TCF20: variants seen among roughly 807,000 people sequenced by gnomAD.
TCF20 encodes the protein SPRE-binding protein.
TCF20 carries 3 observed loss-of-function variants against 148.6 expected under a neutral mutation model. That is an observed-to-expected ratio of 0.02 (90% CI 0.01 to 0.05). TCF20 has a LOEUF of 0.05. Ranked by LOEUF, TCF20 falls within the 10% of genes least tolerant of loss-of-function variation. TCF20 has a pLI of 1.00. For synonymous variants in TCF20, 1,049 were observed against 909.5 expected (o/e 1.15, Z -2.76); for missense variants, 2,350 against 2,429.3 (o/e 0.97, Z 0.69).
chr22:42,292,848 C>T lies in TCF20; in HGVS notation c.-37+50631G>A, dbSNP rs1192862834. On this transcript the variant is annotated intron_variant, in intron 1 of 1. Transcript: ENST00000515426. The surrounding 1 kb of genome is among the most constrained non-coding windows in gnomAD (Gnocchi z 4.9). Reference sequence around the variant, plus strand: ...CTGAATGACCGGGTCTCAGCTTGAGCGGCACAGACACATGGCTGGTGTGAC... The same window carrying T: ...CTGAATGACCGGGTCTCAGCTTGAGTGGCACAGACACATGGCTGGTGTGAC... Among the ~76,000 whole-genome samples the T allele has an allele frequency of 3.3e-5, 5 of 151,076 alleles. No individual in the cohort carries two copies. Among genetic ancestry groups the T allele is most frequent in the East Asian group, 1.9e-4 (1 of 5,144 alleles).
intron 1 of TCF20, among the ~76,000 whole-genome samples, chr22:42,242,514 T>C (rs548660540): frequency 3.3e-5 from 5 of 152,240 alleles, no homozygotes; most frequent in Admixed American, 6.5e-5. Context: ...GGGTATACTA[T>C]ATAGACGAAC....
At chr22:42,242,182 G>A (rs1340983981) in intron 1 of TCF20, among the ~76,000 whole-genome samples, 6 of 107,388 alleles carry the variant, frequency 5.6e-5, no homozygotes, top group South Asian at 2.8e-4. Context: ...CAGCCTGGGC[G>A]ACAGAGCGAG....
At chr22:42,236,127 G>C (rs567655689) in intron 1 of TCF20, among the ~76,000 whole-genome samples, 2 of 150,758 alleles carry the variant, frequency 1.3e-5, no homozygotes, top group South Asian at 4.2e-4. Flanking sequence ...AGTGAGCCGA[G>C]ATCTCACCAC....
intron 1 of TCF20, among the ~76,000 whole-genome samples, chr22:42,307,899 G>A (rs564669321): frequency 4.7e-4 from 72 of 152,282 alleles, no homozygotes; most frequent in African/African-American, 1.4e-3. Flanking sequence ...GGTATCCTTC[G>A]GAAGACGAAC....
intron 1 of TCF20, among the ~76,000 whole-genome samples, chr22:42,260,635 T>C: frequency 6.6e-6 from 1 of 152,114 alleles, no homozygotes; most frequent in East Asian, 1.9e-4. Context: ...CAGATGAACA[T>C]CACCATGCCT....
chr22:42,313,580 C>T (rs937782088), intron 1 of TCF20, among the ~76,000 whole-genome samples: 6 of 151,398 alleles, frequency 4.0e-5, no homozygotes, highest in African/African-American at 1.5e-4. Context: ...CTCACTGCAG[C>T]CTCAACAGAA....
chr22:42,302,122 C>G (rs1927347625), intron 1 of TCF20, among the ~76,000 whole-genome samples: 1 of 152,198 alleles, frequency 6.6e-6, no homozygotes, highest in Non-Finnish European at 1.5e-5. Context: ...AGGGGCCAGT[C>G]TGGGAGAGCT....
At chr22:42,203,632 T>C (rs1938190083) in intron 2 of TCF20, among the ~76,000 whole-genome samples, 1 of 152,108 alleles carries the variant, frequency 6.6e-6, no homozygotes, top group East Asian at 1.9e-4. Flanking sequence ...ACAGGTAAAT[T>C]AGATACAAGT....
chr22:42,171,670 C>G (rs116580753), intron 3 of TCF20, among the ~76,000 whole-genome samples: 1 of 152,174 alleles, frequency 6.6e-6, no homozygotes, highest in Non-Finnish European at 1.5e-5. Flanking sequence ...CCAAGACTCC[C>G]GCTGCTCCAA....
chr22:42,178,811 C>T (rs1163797158), intron 3 of TCF20, among the ~76,000 whole-genome samples: 1 of 151,120 alleles, frequency 6.6e-6, no homozygotes, highest in Non-Finnish European at 1.5e-5. Context: ...AACTCCTGAC[C>T]CCATGATCCA....
chr22:42,172,245 G>A (rs1936175620), intron 3 of TCF20, among the ~76,000 whole-genome samples: 1 of 152,236 alleles, frequency 6.6e-6, no homozygotes, highest in African/African-American at 2.4e-5. Flanking sequence ...CACAGCTAGA[G>A]AGCTCAGAAA....
At chr22:42,331,181 C>T (rs1927968303) in intron 1 of TCF20, among the ~76,000 whole-genome samples, 3 of 152,350 alleles carry the variant, frequency 2.0e-5, no homozygotes, top group African/African-American at 7.2e-5. Context: ...CGCCGCGGAG[C>T]GCGACTGTCA....
rs887230822 is a variant in TCF20 at position 42,279,828 on chromosome 22, C to T, written c.-37+3999G>A. 6.6e-6 allele frequency among the ~76,000 whole-genome samples: 1 copy of T among 152,190 alleles called. No homozygotes were observed. The highest frequency in any genetic ancestry group is 1.5e-5 in the Non-Finnish European group (1 of 68,028). ...GGGAGAGTGAATGAGCCACTGGGGG[C>T]CTCCGTGGCAATCGGGCTCACAAAG... On this transcript the variant is annotated intron_variant, in intron 1 of 5. Coordinates refer to the TCF20 transcript ENST00000359486. The surrounding 1 kb of genome is among the most constrained non-coding windows in gnomAD (Gnocchi z 4.3).
intron 2 of TCF20, among the ~76,000 whole-genome samples, chr22:42,190,459 G>GACACAC (rs34881449): frequency 8.0e-5 from 12 of 149,432 alleles, no homozygotes; most frequent in South Asian, 2.1e-4. Context: ...GACCTTGACT[G>GACACAC]ACACACACAC....
chr22:42,318,830 G>A (rs558832370), intron 1 of TCF20, among the ~76,000 whole-genome samples: 1 of 152,320 alleles, frequency 6.6e-6, no homozygotes, highest in Non-Finnish European at 1.5e-5. Context: ...GGGGTGGGGG[G>A]CACTGGCCAC....
chr22:42,169,910 G>A lies in TCF20; in HGVS notation c.5750-14C>T, dbSNP rs760562580. 5 of 1,613,156 alleles carry A rather than the reference G, an allele frequency of 3.1e-6. No homozygotes were observed. The African/African-American group carries it at 4.0e-5, about 13-fold the overall frequency. The stretch of plus-strand genomic sequence containing the variant: ...GTAGCAAACAATCTGGAAGACAGAA[G>A]GGGACAGTCAGATGGAGACTTCACA... On this transcript the variant is annotated splice_polypyrimidine_tract_variant and intron_variant, in intron 3 of 5. Transcript: ENST00000677622.
At chr22:42,308,582 T>C (rs1276896481) in intron 1 of TCF20, among the ~76,000 whole-genome samples, 2 of 151,960 alleles carry the variant, frequency 1.3e-5, no homozygotes, top group Admixed American at 1.3e-4. Flanking sequence ...CTGCACAACG[T>C]CCCCAGGGTC....
chr22:42,255,050 T>C (rs1192449096), intron 1 of TCF20, among the ~76,000 whole-genome samples: 9 of 151,772 alleles, frequency 5.9e-5, no homozygotes, highest in Non-Finnish European at 1.3e-4. Context: ...TACTTAATAG[T>C]TGGGTGACCT....
intron 1 of TCF20, among the ~76,000 whole-genome samples, chr22:42,301,225 C>G (rs1051541852): frequency 3.9e-5 from 6 of 152,146 alleles, no homozygotes; most frequent in African/African-American, 1.2e-4. Flanking sequence ...GGAGAGAGGT[C>G]GGCTCAGATC....
Sources: allele counts gnomAD v4.1 joint callset (sites outside exome capture counted in the v4.1 genomes callset), GRCh38; gene constraint gnomAD v4.1.1; non-coding constraint Gnocchi (gnomAD v3.1); transcripts MANE v1.5; gene names NCBI Gene and HGNC (gene_info 2026-07-23, HGNC 2026-07-21).